The following GTF2E1 variants were observed in gnomAD, a reference collection of about 807,000 sequenced individuals.
GTF2E1 encodes the protein general transcription factor IIE subunit 1.
Under a neutral mutation model 34.9 loss-of-function variants are expected in GTF2E1, and 14 were observed. The observed-to-expected ratio is 0.40, with a 90% CI of 0.27 to 0.63. The LOEUF is 0.63. GTF2E1 is among the 20% of genes least tolerant of loss of function. The probability of loss-of-function intolerance (pLI) is 0.39; values close to 1 mark genes in which losing one functional copy is unlikely to be tolerated. For missense variants in GTF2E1, 469 were observed against 557.7 expected (o/e 0.84, Z 1.60); for synonymous variants, 188 against 192.9 (o/e 0.97, Z 0.21).
chr3:120,776,609 T>A lies in GTF2E1; in HGVS notation c.837T>A (p.Ile279=). The A allele has an allele frequency of 6.2e-7, 1 of 1,613,754 alleles. No individual in the cohort carries two copies. The highest frequency in any genetic ancestry group is 1.1e-5 in the South Asian group (1 of 91,070). ...GGAAATCTGCCAAAGAGAGGCCTATTTGGTTGAGAGAAAGCACTGTCCAAG... is the reference window on the plus strand; with the variant it reads ...GGAAATCTGCCAAAGAGAGGCCTATATGGTTGAGAGAAAGCACTGTCCAAG... The part of the protein sequence containing the change: ...LEGKSAKERP[I]WLRESTVQGA... Residue 279 remains isoleucine (I), a synonymous_variant, in exon 4 of 5, where the codon ATT becomes ATA. Transcript: ENST00000283875.
chr3:120,775,679 A>G (rs144312086), intron 3 of GTF2E1, among the ~76,000 whole-genome samples: 3 of 152,358 alleles, frequency 2.0e-5, no homozygotes, highest in African/African-American at 7.2e-5. Context: ...GGAACAGGCT[A>G]ACAGACAAAG....
At chr3:120,756,493 G>A in intron 2 of GTF2E1, among the ~76,000 whole-genome samples, 1 of 152,074 alleles carries the variant, frequency 6.6e-6, no homozygotes, top group East Asian at 1.9e-4. Context: ...ATTAGAAAAA[G>A]TTAAAATATA....
In GTF2E1 at chr3:120,781,014, A is replaced by G. The variant is rs138528281; in HGVS notation, c.893-29A>G. On this transcript the variant is annotated intron_variant, in intron 4 of 4. Transcript: ENST00000283875. ...AAAGAAATGCCATTTATATTTAAGG[A>G]TATTGACTTTCTGAGTTTTACTCCC... The G allele has an allele frequency of 1.3e-4, 195 of 1,469,992 alleles. 2 individuals are homozygous for G. In the East Asian group the frequency reaches 3.7e-3, roughly 28 times the overall value. 91.1% of individuals were successfully genotyped at this position (1,469,992 alleles called of 1,614,324 possible).
intron 1 of GTF2E1, among the ~76,000 whole-genome samples, chr3:120,743,485 GT>G (rs1709076230): frequency 6.6e-6 from 1 of 152,186 alleles, no homozygotes; most frequent in Admixed American, 6.6e-5. Flanking sequence ...CATATGGAAA[GT>G]TTTATGGAAG....
intron 1 of GTF2E1, 130 bp from the exon 2 acceptor site, chr3:120,750,393 G>A (rs1709154338): frequency 1.7e-6 from 1 of 605,862 alleles, no homozygotes; most frequent in South Asian, 2.1e-5. Flanking sequence ...ATCTTGTTCT[G>A]CTCTGTTAAA....
At chr3:120,763,203 A>G (rs927789492) in intron 2 of GTF2E1, among the ~76,000 whole-genome samples, 3 of 152,108 alleles carry the variant, frequency 2.0e-5, no homozygotes, top group Non-Finnish European at 4.4e-5. Context: ...ATTTGGGCCT[A>G]ATTTAGATAA....
chr3:120,777,738 G>GT (rs1316351516), intron 4 of GTF2E1, among the ~76,000 whole-genome samples: 12 of 152,084 alleles, frequency 7.9e-5, no homozygotes, highest in Non-Finnish European at 1.8e-4. Flanking sequence ...TGCCATGTTA[G>GT]TTTTTTTGAC....
At position 120,781,630 on chromosome 3, in the gene GTF2E1, A is replaced by C. The variant is rs1709448919; in HGVS notation, c.*160A>C. 5 of 617,788 alleles carry C rather than the reference A, an allele frequency of 8.1e-6. No homozygotes were observed. The Admixed American group carries it at 1.2e-4, about 15-fold the overall frequency. 38.3% of individuals were successfully genotyped at this position (617,788 alleles called of 1,614,324 possible). ...GTAGAGAGTTTGACTTTTATGCCAG[A>C]AACTTTCCCAGCAAGGTAGGGTGCT... On this transcript the variant is annotated 3_prime_UTR_variant, in exon 5 of 5. Coordinates refer to ENST00000283875, the MANE Select transcript of GTF2E1 (RefSeq NM_005513.3).
chr3:120,752,652 C>T (rs1360001130), intron 2 of GTF2E1, among the ~76,000 whole-genome samples: 7 of 152,122 alleles, frequency 4.6e-5, no homozygotes, highest in Non-Finnish European at 8.8e-5. Context: ...AATAGATGGC[C>T]TGTGGAAGAG....
chr3:120,748,166 A>G lies in GTF2E1; in HGVS notation c.-30-2357A>G, dbSNP rs1344097356. Among the ~76,000 whole-genome samples, 119 of 152,096 alleles carry G rather than the reference A, an allele frequency of 7.8e-4. 1 individual carries two copies. The highest frequency in any genetic ancestry group is 2.8e-3 in the African/African-American group (115 of 41,474). On this transcript the variant is annotated intron_variant, in intron 1 of 4. Coordinates refer to ENST00000283875, the MANE Select transcript of GTF2E1 (RefSeq NM_005513.3). ...TGGTTATTAGCCCTTTGTCAGATGA[A>G]AAGGTTGCAAAAATTTTCTCCCATT...
chr3:120,749,008 A>T (rs1709138275), intron 1 of GTF2E1, among the ~76,000 whole-genome samples: 2 of 152,098 alleles, frequency 1.3e-5, no homozygotes, highest in Non-Finnish European at 2.9e-5. Flanking sequence ...ATTCTCTTTG[A>T]AGCAATTGTG....
intron 3 of GTF2E1, among the ~76,000 whole-genome samples, chr3:120,773,700 A>C (rs1335761533): frequency 6.6e-6 from 1 of 152,188 alleles, no homozygotes; most frequent in East Asian, 1.9e-4. Context: ...ATCTCTGAGT[A>C]AGAGTTGTAT....
intron 3 of GTF2E1, among the ~76,000 whole-genome samples, chr3:120,776,018 A>G (rs1336623250): frequency 6.6e-6 from 1 of 152,216 alleles, no homozygotes; most frequent in African/African-American, 2.4e-5. Context: ...ACATTTTTAA[A>G]AATACAATGT....
chr3:120,749,324 C>G (rs1709141806), intron 1 of GTF2E1, among the ~76,000 whole-genome samples: 1 of 152,274 alleles, frequency 6.6e-6, no homozygotes, highest in Non-Finnish European at 1.5e-5. Flanking sequence ...GCATCCCTGT[C>G]TTGTGCCAGT....
At chr3:120,754,959 C>T (rs912825488) in intron 2 of GTF2E1, among the ~76,000 whole-genome samples, 44 of 151,944 alleles carry the variant, frequency 2.9e-4, no homozygotes, top group Non-Finnish European at 2.2e-4. Context: ...ACGAATAAAT[C>T]TAGGGGTATA....
chr3:120,769,420 T>C (rs1482398050), intron 2 of GTF2E1, among the ~76,000 whole-genome samples: 2 of 152,128 alleles, frequency 1.3e-5, no homozygotes, highest in Non-Finnish European at 2.9e-5. Flanking sequence ...TGGACAGACT[T>C]AGAGAATGTG....
At position 120,770,787 on chromosome 3, in the gene GTF2E1, A is replaced by C; in HGVS notation, c.508A>C (p.Lys170Gln). Residue 170 changes from lysine to glutamine, a missense_variant, in exon 3 of 5, where the codon AAA becomes CAA. Lys to Gln is a moderately conservative substitution (Grantham distance 53). Coordinates refer to ENST00000283875, the MANE Select transcript of GTF2E1 (RefSeq NM_005513.3). ...EVEEDESAMP[K>Q]KDARTLLARF... The stretch of plus-strand genomic sequence containing the variant: ...AGAAGAGGATGAATCAGCAATGCCC[A>C]AAAAAGATGCACGCACACTTTTGGC... The C allele has an allele frequency of 6.2e-7, 1 of 1,613,254 alleles. No individual in the cohort carries two copies.
chr3:120,768,094 G>A (rs1418752615), intron 2 of GTF2E1, among the ~76,000 whole-genome samples: 1 of 152,042 alleles, frequency 6.6e-6, no homozygotes, highest in African/African-American at 2.4e-5. Flanking sequence ...TTTAAAATTC[G>A]GGTATAACAT....
chr3:120,776,984 T>C (rs1241711023), intron 4 of GTF2E1, among the ~76,000 whole-genome samples: 1 of 152,198 alleles, frequency 6.6e-6, no homozygotes, highest in Non-Finnish European at 1.5e-5. Flanking sequence ...TTTAATCTTA[T>C]ATTACCCTGA....
Sources: allele counts gnomAD v4.1 joint callset (sites outside exome capture counted in the v4.1 genomes callset), GRCh38; gene constraint gnomAD v4.1.1; transcripts MANE v1.5; gene names NCBI Gene and HGNC (gene_info 2026-07-23, HGNC 2026-07-21).